GRIK3: variants seen among roughly 807,000 people sequenced by gnomAD.
GRIK3 encodes the protein glutamate receptor ionotropic, kainate 3.
In GRIK3, 29 loss-of-function variants were observed where a neutral mutation model predicts 102.5. The ratio of observed to expected loss-of-function variants is 0.28; its 90% CI spans 0.21 to 0.39. The LOEUF (loss-of-function observed/expected upper bound fraction) is 0.39. Among genes scored for constraint, GRIK3 ranks in the 10% least tolerant of loss-of-function variants. The probability of loss-of-function intolerance (pLI) is 1.00; values close to 1 mark genes in which losing one functional copy is unlikely to be tolerated. For missense variants in GRIK3, 908 were observed against 1,252.4 expected (o/e 0.73, Z 4.15); for synonymous variants, 511 against 504.9 (o/e 1.01, Z -0.16).
At chr1:36,845,457 C>T (rs1640509731) in intron 9 of GRIK3, among the ~76,000 whole-genome samples, 1 of 152,208 alleles carries the variant, frequency 6.6e-6, no homozygotes, top group African/African-American at 2.4e-5. Context: ...CCCCAGCGTG[C>T]AAGCCAGGCC....
chr1:36,906,418 C>T (rs1459668810), intron 1 of GRIK3, among the ~76,000 whole-genome samples: 2 of 152,188 alleles, frequency 1.3e-5, no homozygotes, highest in Non-Finnish European at 2.9e-5. Flanking sequence ...AACAATGGAG[C>T]TACTGCATGG....
At chr1:36,968,525 C>T (rs1642104220) in intron 1 of GRIK3, among the ~76,000 whole-genome samples, 1 of 152,188 alleles carries the variant, frequency 6.6e-6, no homozygotes, top group Non-Finnish European at 1.5e-5. Flanking sequence ...AAGCTTTGGG[C>T]AGCTCTGAAA....
At chr1:36,879,402 G>A (rs1640942026) in intron 3 of GRIK3, among the ~76,000 whole-genome samples, 1 of 152,178 alleles carries the variant, frequency 6.6e-6, no homozygotes, top group Non-Finnish European at 1.5e-5. Context: ...ACTGAGGTGG[G>A]AGGATCTCTT....
rs114307108 is a variant in GRIK3, at chr1:36,841,927, C to T, written c.1339G>A (p.Val447Ile). ...IVTTVLEEPF[V>I]MFRKSDRTLY... ...GTCCTGTCTGATTTCCGAAACATGA[C>T]GAAGGGCTCCTCCTGCAGAGACAGA... Residue 447 changes from valine to isoleucine, a missense_variant, in exon 10 of 16, where the codon GTC becomes ATC. By Grantham distance (29) the Val-to-Ile change is conservative (BLOSUM62 3). Coordinates refer to ENST00000373091, the MANE Select transcript of GRIK3 (RefSeq NM_000831.4). 3.8e-5 allele frequency: 62 copies of T among 1,614,106 alleles called. No individual in the cohort carries two copies. The African/African-American group carries it at 4.3e-4, about 11-fold the overall frequency.
intron 1 of GRIK3, among the ~76,000 whole-genome samples, chr1:36,913,270 C>A (rs909815147): frequency 2.0e-5 from 3 of 152,208 alleles, no homozygotes; most frequent in African/African-American, 7.2e-5. Flanking sequence ...AGCAGCCCCT[C>A]TGTGCCAGCC....
chr1:36,949,658 T>C (rs1173636260), intron 1 of GRIK3, among the ~76,000 whole-genome samples: 2 of 137,376 alleles, frequency 1.5e-5, no homozygotes, highest in African/African-American at 5.3e-5. Flanking sequence ...CACTGCAACC[T>C]CTGCCTCCCA....
chr1:37,011,752 C>A (rs1219232002), intron 1 of GRIK3, among the ~76,000 whole-genome samples: 1 of 152,194 alleles, frequency 6.6e-6, no homozygotes, highest in Non-Finnish European at 1.5e-5. Flanking sequence ...CATGAGTGAA[C>A]AAATGAGTGA....
intron 1 of GRIK3, among the ~76,000 whole-genome samples, chr1:36,985,104 C>A (rs373586276): frequency 6.6e-6 from 1 of 151,886 alleles, no homozygotes; most frequent in South Asian, 2.1e-4. Context: ...TCCAGGCATG[C>A]GGGCAAGGGC....
chr1:36,966,772 C>T lies in GRIK3; in HGVS notation c.115+67222G>A, dbSNP rs544931633. On this transcript the variant is annotated intron_variant, in intron 1 of 15. Transcript: ENST00000373091. ...TCTTCCAGGATACAGACCACCCCCC[C>T]AACCCCTTGGCATTCTCATACTCAT... Among the ~76,000 whole-genome samples, 19 of 152,024 alleles carry T rather than the reference C, an allele frequency of 1.2e-4. No individual in the cohort carries two copies. In the South Asian group the frequency reaches 3.7e-3, roughly 30 times the overall value.
Position 36,801,784 on chromosome 1 carries a change from T to C in GRIK3, c.*67A>G. The C allele has an allele frequency of 1.4e-6, 2 of 1,383,092 alleles. No homozygotes were observed. Among genetic ancestry groups the C allele is most frequent in the Non-Finnish European group, 2.0e-6 (2 of 1,020,838 alleles). The allele number at this position is 1,383,092 out of a possible 1,614,324, so 85.7% of individuals were successfully genotyped here. A position where few individuals can be genotyped will look rare whatever the true frequency, so the allele number is the denominator to read the frequency against. ...AAGCCCAGTGCGGGGACAGGGGACG[T>C]TCCTTCCAATCTCCTTTGCTTTCCT... On this transcript the variant is annotated 3_prime_UTR_variant, in exon 16 of 16. Transcript: ENST00000373091.
Position 36,805,226 on chromosome 1 carries a change from G to A in GRIK3, c.2326C>T (p.Arg776Trp). 6.2e-7 allele frequency: 1 copy of A among 1,609,928 alleles called. No homozygotes were observed. The highest frequency in any genetic ancestry group is 8.5e-7 in the Non-Finnish European group (1 of 1,177,526). ...GIGTPMGSPYRDKITIAILQL... is the reference protein window; with the variant it reads ...GIGTPMGSPYWDKITIAILQL... ...AGGATGGCGATGGTGATCTTGTCCCGGTATGGGGAGCCTGAGCAGGGAGAA... is the reference window on the plus strand; with the variant it reads ...AGGATGGCGATGGTGATCTTGTCCCAGTATGGGGAGCCTGAGCAGGGAGAA... Residue 776 changes from arginine to tryptophan, a missense_variant, in exon 15 of 16, where the codon CGG (arginine) becomes TGG (tryptophan). Transcript: ENST00000373091.
At chr1:37,015,776 C>T (rs1006096743) in intron 1 of GRIK3, among the ~76,000 whole-genome samples, 3 of 152,178 alleles carry the variant, frequency 2.0e-5, no homozygotes, top group Admixed American at 6.5e-5. Flanking sequence ...GAGGGGAATG[C>T]GAAGGGGCTT....
At chr1:36,975,009 A>G (rs1392767986) in intron 1 of GRIK3, among the ~76,000 whole-genome samples, 4 of 152,064 alleles carry the variant, frequency 2.6e-5, no homozygotes, top group African/African-American at 9.7e-5. Flanking sequence ...GGTAATGGGG[A>G]ACTATTGTTT....
At position 36,932,318 on chromosome 1, in the gene GRIK3, C is replaced by T. The variant is rs1216749819; in HGVS notation, c.116-41222G>A. 5.9e-5 allele frequency among the ~76,000 whole-genome samples: 9 copies of T among 152,148 alleles called. 1 individual carries two copies. The highest frequency in any genetic ancestry group is 4.1e-4 in the South Asian group (2 of 4,828). On this transcript the variant is annotated intron_variant, in intron 1 of 15. Coordinates refer to ENST00000373091, the MANE Select transcript of GRIK3 (RefSeq NM_000831.4). ...CCCTTGGTTTTGGTTAGTGCCCAAT[C>T]GTAGAAACCTGGTGAATGCCACTCC...
chr1:36,958,706 GC>G (rs1381703808), intron 1 of GRIK3, among the ~76,000 whole-genome samples: 1 of 128,352 alleles, frequency 7.8e-6, no homozygotes, highest in East Asian at 3.2e-4. Context: ...GTGACTCTGT[GC>G]CCCATGACTC....
At chr1:36,993,940 T>C (rs1642388485) in intron 1 of GRIK3, among the ~76,000 whole-genome samples, 1 of 152,180 alleles carries the variant, frequency 6.6e-6, no homozygotes, top group Non-Finnish European at 1.5e-5. Flanking sequence ...CTAAGCCTAA[T>C]CCTGCTTCCC....
At chr1:37,021,304 T>C (rs1322091391) in intron 1 of GRIK3, among the ~76,000 whole-genome samples, 3 of 151,988 alleles carry the variant, frequency 2.0e-5, no homozygotes, top group East Asian at 1.9e-4. Flanking sequence ...GAAAAAAAAA[T>C]GGGGACAGGT....
At chr1:36,944,903 A>G (rs998893824) in intron 1 of GRIK3, among the ~76,000 whole-genome samples, 5 of 152,256 alleles carry the variant, frequency 3.3e-5, no homozygotes, top group Non-Finnish European at 7.4e-5. Context: ...GGCTTGTGCC[A>G]TCTTTATATT....
intron 1 of GRIK3, among the ~76,000 whole-genome samples, chr1:36,952,019 A>T (rs1272989361): frequency 6.6e-6 from 1 of 152,196 alleles, no homozygotes; most frequent in Non-Finnish European, 1.5e-5. Context: ...ACCTCAGCCC[A>T]CAGACTGTCA....
Sources: allele counts gnomAD v4.1 joint callset (sites outside exome capture counted in the v4.1 genomes callset), GRCh38; gene constraint gnomAD v4.1.1; transcripts MANE v1.5; gene names NCBI Gene and HGNC (gene_info 2026-07-23, HGNC 2026-07-21).